The following NRG1 variants were observed in gnomAD, a reference collection of about 807,000 sequenced individuals.
NRG1 encodes the protein pro-neuregulin-1, membrane-bound isoform.
NRG1 carries 18 observed loss-of-function variants against 63.8 expected under a neutral mutation model. That is an observed-to-expected ratio of 0.28 (90% CI 0.19 to 0.42). NRG1 has a LOEUF of 0.42. Ranked by LOEUF, NRG1 falls within the 10% of genes least tolerant of loss-of-function variation. NRG1 has a pLI of 1.00. For synonymous variants in NRG1, 302 were observed against 301.3 expected (o/e 1.00, Z -0.02); for missense variants, 762 against 814.7 (o/e 0.94, Z 0.79).
chr8:31,712,219 G>A (rs1165470840), intron 1 of NRG1, among the ~76,000 whole-genome samples: 1 of 136,942 alleles, frequency 7.3e-6, no homozygotes, highest in Non-Finnish European at 1.6e-5. Flanking sequence ...TTATATTTGA[G>A]CATTTCCTCT....
At chr8:32,738,525 AT>A (rs887469032) in intron 6 of NRG1, among the ~76,000 whole-genome samples, 29 of 152,128 alleles carry the variant, frequency 1.9e-4, no homozygotes, top group African/African-American at 6.8e-4. Context: ...AATTCTTGGA[AT>A]TTGCTCAAAC....
intron 1 of NRG1, among the ~76,000 whole-genome samples, chr8:31,674,610 G>A (rs1447630780): frequency 1.3e-5 from 2 of 151,422 alleles, no homozygotes; most frequent in Admixed American, 1.3e-4. Context: ...GCCTTCTTGA[G>A]GCTTACTCAA....
At chr8:32,677,343 T>C (rs1180798047) in intron 5 of NRG1, among the ~76,000 whole-genome samples, 1 of 152,204 alleles carries the variant, frequency 6.6e-6, no homozygotes, top group African/African-American at 2.4e-5. Context: ...TTATGATTCC[T>C]TCAGAATCTT....
chr8:31,901,143 G>GA (rs902935061), intron 1 of NRG1, among the ~76,000 whole-genome samples: 1 of 152,062 alleles, frequency 6.6e-6, no homozygotes, highest in African/African-American at 2.4e-5. Context: ...ATTTATAACT[G>GA]AAAAAAGATG....
At chr8:32,154,907 A>G (rs1442339369) in intron 1 of NRG1, among the ~76,000 whole-genome samples, 1 of 152,250 alleles carries the variant, frequency 6.6e-6, no homozygotes, top group East Asian at 1.9e-4. Context: ...GAGCAAGAAC[A>G]TAATTATTCA....
chr8:32,126,316 T>C (rs1299680705), intron 1 of NRG1, among the ~76,000 whole-genome samples: 3 of 151,872 alleles, frequency 2.0e-5, no homozygotes, highest in Non-Finnish European at 4.4e-5. Flanking sequence ...GCAACAACAA[T>C]GTCTTGACTT....
chr8:32,146,091 A>C (rs1303970098), intron 1 of NRG1, among the ~76,000 whole-genome samples: 2 of 152,212 alleles, frequency 1.3e-5, no homozygotes, highest in Non-Finnish European at 2.9e-5. Flanking sequence ...AGCAAATGGG[A>C]AATCTAATTG....
At chr8:31,839,600 T>A (rs2129607472) in intron 1 of NRG1, among the ~76,000 whole-genome samples, 1 of 152,346 alleles carries the variant, frequency 6.6e-6, no homozygotes, top group South Asian at 2.1e-4. Context: ...CTTCTCATAT[T>A]TTTGAGCAAG....
intron 5 of NRG1, chr8:32,722,167 C>G (rs1820831512): frequency 2.5e-6 from 2 of 792,586 alleles, no homozygotes; most frequent in South Asian, 3.7e-5. Flanking sequence ...GTAAGTAACT[C>G]GTAAAGAATT....
At chr8:32,268,099 T>C (rs751969518) in intron 1 of NRG1, among the ~76,000 whole-genome samples, 3 of 152,146 alleles carry the variant, frequency 2.0e-5, no homozygotes, top group Non-Finnish European at 2.9e-5. Context: ...CAAGGGGCCA[T>C]ATTGGGGAAC....
intron 1 of NRG1, among the ~76,000 whole-genome samples, chr8:31,941,047 T>A (rs1447327176): frequency 6.7e-6 from 1 of 150,228 alleles, no homozygotes; most frequent in East Asian, 1.9e-4. Flanking sequence ...TCTAAATCAA[T>A]CTACAAAGCC....
intron 1 of NRG1, among the ~76,000 whole-genome samples, chr8:32,018,245 T>C (rs933312535): frequency 2.0e-4 from 30 of 152,228 alleles, no homozygotes; most frequent in African/African-American, 7.2e-4. Context: ...TTCTGTCTAA[T>C]GTAATTAAGA....
intron 1 of NRG1, among the ~76,000 whole-genome samples, chr8:32,496,332 G>A (rs945751210): frequency 2.0e-5 from 3 of 152,136 alleles, no homozygotes; most frequent in African/African-American, 7.2e-5. Context: ...GAAAAGATTG[G>A]CCAGTTATGG....
intron 1 of NRG1, among the ~76,000 whole-genome samples, chr8:31,918,015 G>T (rs562614040): frequency 6.6e-6 from 1 of 152,190 alleles, no homozygotes; most frequent in South Asian, 2.1e-4. Context: ...TCTGTTATTG[G>T]TGTATAAGAA....
At chr8:31,879,626 G>A (rs922534083) in intron 1 of NRG1, among the ~76,000 whole-genome samples, 1 of 152,044 alleles carries the variant, frequency 6.6e-6, no homozygotes, top group Non-Finnish European at 1.5e-5. Flanking sequence ...ACGTCATGGG[G>A]GTTTGTTGTA....
chr8:32,012,467 GGA>G (rs1814906624), intron 1 of NRG1, among the ~76,000 whole-genome samples: 1 of 152,070 alleles, frequency 6.6e-6, no homozygotes, highest in South Asian at 2.1e-4. Flanking sequence ...GGAGAGGATA[GGA>G]GAGACTATGT....
chr8:31,982,662 A>T (rs1222195310), intron 1 of NRG1, among the ~76,000 whole-genome samples: 2 of 152,110 alleles, frequency 1.3e-5, no homozygotes, highest in Non-Finnish European at 2.9e-5. Flanking sequence ...TGGCAAAAGG[A>T]ACAACTGAAT....
chr8:32,165,927 C>T (rs1178882181), intron 1 of NRG1, among the ~76,000 whole-genome samples: 2 of 152,106 alleles, frequency 1.3e-5, no homozygotes, highest in Non-Finnish European at 2.9e-5. Context: ...CACATGTGTT[C>T]GGTCAGCCCA....
chr8:31,738,966 G>A (rs567476947), intron 1 of NRG1, among the ~76,000 whole-genome samples: 47 of 152,080 alleles, frequency 3.1e-4, no homozygotes, highest in African/African-American at 9.6e-4. Flanking sequence ...CTGAGGCACC[G>A]GGGGTTAGGA....
Sources: gnomAD v4.1 joint callset for allele counts (sites outside exome capture counted in the v4.1 genomes callset) on GRCh38, gnomAD v4.1.1 for gene constraint, MANE v1.5 for transcripts, NCBI Gene and HGNC (gene_info 2026-07-23, HGNC 2026-07-21) for gene names.